Variants in MLIP observed in about 807,000 individuals in gnomAD.
The protein encoded by MLIP is muscular LMNA interacting protein.
A neutral mutation model predicts 84.8 loss-of-function variants in MLIP; 79 were observed. The ratio of observed to expected loss-of-function variants is 0.93; its 90% CI spans 0.78 to 1.12. The LOEUF is 1.12. Among genes scored for constraint, MLIP ranks in the 50% most tolerant of loss-of-function variants. MLIP has a pLI of 0.00. For missense variants in MLIP, 1,257 were observed against 1,160.6 expected (o/e 1.08, Z -1.21); for synonymous variants, 504 against 463.0 (o/e 1.09, Z -1.14).
intron 11 of MLIP, among the ~76,000 whole-genome samples, chr6:54,227,688 C>T (rs570566343): frequency 1.3e-5 from 2 of 152,250 alleles, no homozygotes; most frequent in East Asian, 1.9e-4. Flanking sequence ...TATAATAATA[C>T]TTTCAAAATT....
At chr6:54,208,092 C>A (rs1272658534) in intron 11 of MLIP, among the ~76,000 whole-genome samples, 1 of 151,970 alleles carries the variant, frequency 6.6e-6, no homozygotes, top group African/African-American at 2.4e-5. Flanking sequence ...CGTGCCACTG[C>A]ACTCCAGGCT....
chr6:54,019,965 T>C (rs1227383687), intron 1 of MLIP, among the ~76,000 whole-genome samples: 1 of 152,222 alleles, frequency 6.6e-6, no homozygotes, highest in East Asian at 1.9e-4. Context: ...ATATATTTAA[T>C]AAAATACACA....
intron 11 of MLIP, among the ~76,000 whole-genome samples, chr6:54,214,099 G>A (rs1779685304): frequency 6.6e-6 from 1 of 152,194 alleles, no homozygotes; most frequent in South Asian, 2.1e-4. Context: ...TATTTGCTTA[G>A]TATAATTTTC....
chr6:54,205,971 A>G (rs1244943957), intron 11 of MLIP, among the ~76,000 whole-genome samples: 1 of 152,228 alleles, frequency 6.6e-6, no homozygotes, highest in African/African-American at 2.4e-5. Context: ...TGGTGTGTTT[A>G]AAGCATATTT....
intron 1 of MLIP, among the ~76,000 whole-genome samples, chr6:54,028,356 C>A (rs1053114503): frequency 3.3e-5 from 5 of 151,996 alleles, no homozygotes; most frequent in African/African-American, 1.2e-4. Flanking sequence ...GAGACCACCT[C>A]GTGATTTTAA....
chr6:54,254,740 C>CT lies in MLIP; in HGVS notation c.2923-2567dup, dbSNP rs1366610976. 8.4e-4 allele frequency among the ~76,000 whole-genome samples: 118 copies of CT among 140,398 alleles called. 1 individual carries two copies. The highest frequency in any genetic ancestry group is 2.9e-3 in the African/African-American group (106 of 36,488). The allele number at this position is 140,398 out of a possible 152,430, so 92.1% of individuals were successfully genotyped here. A position where few individuals can be genotyped will look rare whatever the true frequency, so the allele number is the denominator to read the frequency against. On this transcript the variant is annotated intron_variant, in intron 12 of 13. Transcript: ENST00000502396. ...ATTAGAATCTTCTTTTTTTTTCTCC[C>CT]TCCCTTCCTTCCTTCCTTCCTTCCT...
At chr6:54,215,383 C>T (rs1779785470) in intron 11 of MLIP, 1 of 1,291,144 alleles carries the variant, frequency 7.7e-7, no homozygotes, top group East Asian at 3.0e-5. Context: ...TACTAATCAC[C>T]ATTTCTAATG....
Position 54,136,937 on chromosome 6 carries a change from T to C in MLIP, c.868T>C (p.Ser290Pro). The C allele has an allele frequency of 6.5e-7, 1 of 1,536,032 alleles. No individual in the cohort carries two copies. Among genetic ancestry groups the C allele is most frequent in the Non-Finnish European group, 8.7e-7 (1 of 1,146,880 alleles). The part of the protein sequence containing the change: ...TTAHSTPFSA[S>P]KGTSSTLLFP... ...CGCTCACTCTACACCCTTTTCTGCA[T>C]CGAAGGGCACCTCCTCGACGTTACT... Residue 290 changes from serine (S) to proline (P), a missense_variant, in exon 4 of 14, where the codon TCG (serine) becomes CCG (proline). Ser to Pro is a moderately conservative substitution (Grantham distance 74). Transcript: ENST00000502396.
chr6:54,033,251 G>T (rs921345443), intron 1 of MLIP, among the ~76,000 whole-genome samples: 1 of 151,516 alleles, frequency 6.6e-6, no homozygotes, highest in Non-Finnish European at 1.5e-5. Context: ...TTCCCATTTT[G>T]CAGTTGGAGG....
At chr6:54,207,206 T>TCC (rs1779091394) in intron 11 of MLIP, among the ~76,000 whole-genome samples, 1 of 152,082 alleles carries the variant, frequency 6.6e-6, no homozygotes, top group South Asian at 2.1e-4. Flanking sequence ...CTTCCTTCCT[T>TCC]TATATGAAAG....
chr6:54,193,373 G>A (rs974119556), intron 10 of MLIP, among the ~76,000 whole-genome samples: 1 of 152,132 alleles, frequency 6.6e-6, no homozygotes, highest in Non-Finnish European at 1.5e-5. Context: ...CTATGGATAG[G>A]GAGAGGTTAT....
At chr6:54,234,422 T>A (rs1203408872) in intron 12 of MLIP, among the ~76,000 whole-genome samples, 1 of 152,214 alleles carries the variant, frequency 6.6e-6, no homozygotes, top group Non-Finnish European at 1.5e-5. Flanking sequence ...TTGTCATTCT[T>A]ACTGCTCTCC....
chr6:54,176,586 T>A (rs1309627112), intron 9 of MLIP, among the ~76,000 whole-genome samples: 1 of 152,070 alleles, frequency 6.6e-6, no homozygotes, highest in Non-Finnish European at 1.5e-5. Flanking sequence ...TCCATGCTCC[T>A]GCATAGGAAG....
At chr6:54,083,351 C>T (rs1322646061) in intron 1 of MLIP, 11 of 884,852 alleles carry the variant, frequency 1.2e-5, no homozygotes, top group Non-Finnish European at 1.7e-5. Context: ...TTAATATATT[C>T]AGATGGGATT....
chr6:54,222,525 A>G (rs997794949), intron 11 of MLIP, among the ~76,000 whole-genome samples: 29 of 152,044 alleles, frequency 1.9e-4, no homozygotes, highest in African/African-American at 6.8e-4. Flanking sequence ...AGGTTAATTT[A>G]TATTGTCACA....
rs73741465 is a variant in MLIP, at chr6:54,198,999, T to C, written c.2590-3106T>C. Reference sequence around the variant, plus strand: ...AGATAACATTAGGTCCTAAATGTTCTGAGAATATTTAGGATGGCTAATGAA... The same window carrying C: ...AGATAACATTAGGTCCTAAATGTTCCGAGAATATTTAGGATGGCTAATGAA... On this transcript the variant is annotated intron_variant, in intron 10 of 13. Transcript: ENST00000502396. 5.5e-3 allele frequency among the ~76,000 whole-genome samples: 837 copies of C among 152,128 alleles called. 11 individuals are homozygous for C. Among genetic ancestry groups the C allele is most frequent in the African/African-American group, 0.018 (740 of 41,508 alleles).
chr6:54,242,989 G>A (rs55881114), intron 12 of MLIP, among the ~76,000 whole-genome samples: 1 of 152,132 alleles, frequency 6.6e-6, no homozygotes. Flanking sequence ...TAGGTGCAAA[G>A]CACTGTGTTT....
chr6:54,241,245 A>G (rs954922030), intron 12 of MLIP, among the ~76,000 whole-genome samples: 3 of 151,594 alleles, frequency 2.0e-5, no homozygotes, highest in Admixed American at 6.6e-5. Context: ...TTTTCCTCAT[A>G]TAACTCCTAG....
intron 4 of MLIP, among the ~76,000 whole-genome samples, chr6:54,139,634 G>C (rs112854467): frequency 0.01 from 1,566 of 152,248 alleles, 34 homozygotes; most frequent in African/African-American, 0.035. Flanking sequence ...CATCAGTTAA[G>C]TTTTGTAACT....
Sources: gnomAD v4.1 joint callset for allele counts (sites outside exome capture counted in the v4.1 genomes callset) on GRCh38, gnomAD v4.1.1 for gene constraint, MANE v1.5 for transcripts, NCBI Gene and HGNC (gene_info 2026-07-23, HGNC 2026-07-21) for gene names.